The following CACNA2D3 variants were observed in gnomAD, a reference collection of about 807,000 sequenced individuals.
CACNA2D3 encodes the protein calcium voltage-gated channel auxiliary subunit alpha2delta 3, also known as voltage-dependent calcium channel subunit alpha-2/delta-3.
Under a neutral mutation model 160.6 loss-of-function variants are expected in CACNA2D3, and 60 were observed. That is an observed-to-expected ratio of 0.37 (90% CI 0.30 to 0.46). The LOEUF (loss-of-function observed/expected upper bound fraction) is 0.46, where lower values mean the gene tolerates loss of function less well. Among genes scored for constraint, CACNA2D3 ranks in the 20% least tolerant of loss-of-function variants. The pLI is 1.00. For synonymous variants in CACNA2D3, 558 were observed against 492.9 expected (o/e 1.13, Z -1.75); for missense variants, 1,205 against 1,365.0 (o/e 0.88, Z 1.85).
At chr3:54,485,036 G>A (rs2106907978) in intron 4 of CACNA2D3, among the ~76,000 whole-genome samples, 1 of 152,102 alleles carries the variant, frequency 6.6e-6, no homozygotes, top group Non-Finnish European at 1.5e-5. Context: ...TAGTAGAGAC[G>A]GGGTTTCATC....
At chr3:54,984,553 G>C in intron 29 of CACNA2D3, 55 bp from the exon 30 acceptor site, 3 of 1,005,720 alleles carry the variant, frequency 3.0e-6, no homozygotes, top group Non-Finnish European at 4.5e-6. Context: ...AAAGCAGTGT[G>C]ATGGCCCGAA....
rs75323760 is a variant in CACNA2D3, at chr3:54,678,675, C to G, written c.1167+36434C>G. ...GGTGGAGGTTGTAATGAGCCGAGAT[C>G]GTGCAATTGCATCCCAGCCTGGGTG... On this transcript the variant is annotated intron_variant, in intron 11 of 37. Coordinates refer to ENST00000474759, the MANE Select transcript of CACNA2D3 (RefSeq NM_018398.3). Among the ~76,000 whole-genome samples the G allele has an allele frequency of 9.1e-3, 1,073 of 117,930 alleles. 94 individuals are homozygous for G. In the East Asian group the frequency reaches 0.23, roughly 25 times the overall value. 77.4% of individuals were successfully genotyped at this position (117,930 alleles called of 152,430 possible).
At chr3:54,747,555 C>T (rs937608673) in intron 11 of CACNA2D3, among the ~76,000 whole-genome samples, 8 of 152,132 alleles carry the variant, frequency 5.3e-5, no homozygotes, top group African/African-American at 1.9e-4. Flanking sequence ...CAGCTCATGT[C>T]AGACTTCTAC....
chr3:54,147,527 A>G (rs917094204), intron 2 of CACNA2D3, among the ~76,000 whole-genome samples: 3 of 152,312 alleles, frequency 2.0e-5, no homozygotes, highest in South Asian at 4.1e-4. Context: ...GGTAGAAACA[A>G]TGACAGACTT....
At chr3:54,925,089 G>T (rs1363767006) in intron 27 of CACNA2D3, 1 of 1,614,100 alleles carries the variant, frequency 6.2e-7, no homozygotes, top group Non-Finnish European at 8.5e-7. Flanking sequence ...TAAATGGGAA[G>T]GGATTTCGGC....
intron 2 of CACNA2D3, among the ~76,000 whole-genome samples, chr3:54,149,923 CTCT>C (rs1700111052): frequency 4.3e-5 from 3 of 69,954 alleles, no homozygotes; most frequent in Non-Finnish European, 9.1e-5. Context: ...CTCTCTCTCT[CTCT>C]CTCTCCCTCC....
At chr3:54,853,679 G>A (rs964818033) in intron 17 of CACNA2D3, among the ~76,000 whole-genome samples, 4 of 152,156 alleles carry the variant, frequency 2.6e-5, no homozygotes, top group African/African-American at 9.7e-5. Context: ...GAAGAACTAT[G>A]GGCTCACAGA....
intron 3 of CACNA2D3, 109 bp downstream of exon 3, chr3:54,320,667 A>T: frequency 1.8e-6 from 1 of 558,284 alleles, no homozygotes. Context: ...TCACGCATCT[A>T]TTACGTAAAT....
intron 9 of CACNA2D3, among the ~76,000 whole-genome samples, chr3:54,618,666 G>T (rs1218272110): frequency 6.6e-6 from 1 of 152,128 alleles, no homozygotes; most frequent in Non-Finnish European, 1.5e-5. Context: ...AGCCACCACT[G>T]CTTGGGGAAT....
chr3:54,515,544 G>A (rs1190430639), intron 5 of CACNA2D3, among the ~76,000 whole-genome samples: 1 of 152,216 alleles, frequency 6.6e-6, no homozygotes, highest in Non-Finnish European at 1.5e-5. Context: ...TTTTGTTAGA[G>A]GTAGCAGAAC....
rs373626753 is a variant in CACNA2D3 at position 54,885,312 on chromosome 3, C to G, written c.1944C>G (p.Ser648=). ...GLHDLEHPDV[S]LADEWSYCNT... ...ATGACTTAGAACATCCCGATGTGTC[C>G]TTGGCAGATGAATGGTAAGAATTAA... The change falls in exon 22 of 38, where the codon TCC becomes TCG. Residue 648 remains serine, a synonymous_variant. Transcript: ENST00000474759. The G allele has an allele frequency of 3.7e-6, 6 of 1,613,790 alleles. No individual in the cohort carries two copies. The highest frequency in any genetic ancestry group is 5.1e-6 in the Non-Finnish European group (6 of 1,179,854).
At chr3:55,057,981 A>G (rs142155763) in intron 35 of CACNA2D3, among the ~76,000 whole-genome samples, 2 of 152,278 alleles carry the variant, frequency 1.3e-5, no homozygotes, top group East Asian at 3.9e-4. Context: ...AATTTTGACA[A>G]ATCACCAAAA....
chr3:54,126,327 C>T (rs1699590512), intron 2 of CACNA2D3, among the ~76,000 whole-genome samples: 1 of 152,158 alleles, frequency 6.6e-6, no homozygotes, highest in Non-Finnish European at 1.5e-5. Flanking sequence ...ATTTTGGTAA[C>T]ATGTTTTTAT....
At chr3:54,980,731 T>A (rs1021179691) in intron 29 of CACNA2D3, among the ~76,000 whole-genome samples, 4 of 152,228 alleles carry the variant, frequency 2.6e-5, no homozygotes, top group South Asian at 2.1e-4. Context: ...TAGAGTCTAA[T>A]GCTGCAAAAT....
intron 4 of CACNA2D3, among the ~76,000 whole-genome samples, chr3:54,458,994 T>C (rs1478026923): frequency 3.3e-5 from 5 of 152,058 alleles, no homozygotes; most frequent in Non-Finnish European, 7.4e-5. Flanking sequence ...CATTGTTCAA[T>C]TCCCACCTAT....
intron 34 of CACNA2D3, among the ~76,000 whole-genome samples, chr3:55,013,964 G>C (rs1335003939): frequency 6.6e-6 from 1 of 152,114 alleles, no homozygotes; most frequent in Admixed American, 6.5e-5. Flanking sequence ...ATTGTGAGTG[G>C]GTGATAGGTC....
intron 4 of CACNA2D3, among the ~76,000 whole-genome samples, chr3:54,490,911 T>C (rs1701098965): frequency 1.3e-5 from 2 of 152,056 alleles, no homozygotes; most frequent in Non-Finnish European, 2.9e-5. Context: ...AGTTCTTACT[T>C]CTCTTCCCTG....
intron 27 of CACNA2D3, among the ~76,000 whole-genome samples, chr3:54,964,372 T>C (rs546055329): frequency 4.0e-4 from 60 of 151,886 alleles, no homozygotes; most frequent in African/African-American, 1.3e-3. Context: ...GATGATTTTC[T>C]GGACTGTCTA....
intron 31 of CACNA2D3, among the ~76,000 whole-genome samples, chr3:54,988,666 G>A (rs563166626): frequency 5.3e-5 from 8 of 152,306 alleles, no homozygotes; most frequent in African/African-American, 1.7e-4. Context: ...ACTCTTCTGC[G>A]GCTGAATGGC....
Sources: gnomAD v4.1 joint callset for allele counts (sites outside exome capture counted in the v4.1 genomes callset) on GRCh38, gnomAD v4.1.1 for gene constraint, MANE v1.5 for transcripts, NCBI Gene and HGNC (gene_info 2026-07-23, HGNC 2026-07-21) for gene names.